SETD1B: variants seen among roughly 807,000 people sequenced by gnomAD.
The protein encoded by SETD1B is histone-lysine N-methyltransferase SETD1B.
In SETD1B, 7 loss-of-function variants were observed where a neutral mutation model predicts 148.0. The observed-to-expected ratio is 0.05, with a 90% CI of 0.03 to 0.09. The LOEUF is 0.09. Among genes scored for constraint, SETD1B ranks in the 10% least tolerant of loss-of-function variants. The probability of loss-of-function intolerance (pLI) is 1.00; values close to 1 mark genes in which losing one functional copy is unlikely to be tolerated. For missense variants in SETD1B, 2,155 were observed against 2,729.9 expected, an observed-to-expected ratio of 0.79 and a Z score of 4.69; for synonymous variants, 1,361 against 1,186.5, an observed-to-expected ratio of 1.15 and a Z score of -3.02.
Position 121,804,658 on chromosome 12 carries a change from G to C in SETD1B, c.-14-66G>C. 1 of 1,397,056 alleles carries C rather than the reference G, an allele frequency of 7.2e-7. No homozygotes were observed. The highest frequency in any genetic ancestry group is 9.7e-7 in the Non-Finnish European group (1 of 1,029,094). The allele number at this position is 1,397,056 out of a possible 1,614,324, so 86.5% of individuals were successfully genotyped here. A position where few individuals can be genotyped will look rare whatever the true frequency, so the allele number is the denominator to read the frequency against. On this transcript the variant is annotated intron_variant, in intron 1 of 16. Coordinates refer to ENST00000604567, the MANE Select transcript of SETD1B (RefSeq NM_001353345.2). The surrounding 1 kb of genome is among the most constrained non-coding windows in gnomAD (Gnocchi z 4.6). The stretch of plus-strand genomic sequence containing the variant: ...GGGGGCCTGCCGATTGGATTCTTTC[G>C]CGTGTGTGTAGAAGCGGCCGCCGCC...
Position 121,814,625 on chromosome 12 carries a change from G to T in SETD1B, c.2410G>T (p.Ala804Ser). The T allele has an allele frequency of 6.5e-7, 1 of 1,544,446 alleles. No homozygotes were observed. Among genetic ancestry groups the T allele is most frequent in the Non-Finnish European group, 8.7e-7 (1 of 1,143,274 alleles). Reference protein sequence around the residue: ...YPPFMAAAAAAASAGLQFVNL... With the variant: ...YPPFMAAAAASASAGLQFVNL... ...GCCCTTCATGGCCGCTGCGGCCGCC[G>T]CTGCCTCAGCTGGGCTCCAGTTTGT... The change falls in exon 7 of 17, where the codon GCT (alanine) becomes TCT (serine). Residue 804 changes from alanine (A) to serine (S), a missense_variant. Physicochemically the swap from Ala to Ser is moderately conservative, Grantham distance 99. Transcript: ENST00000604567.
chr12:121,793,158 T>C, the SETD1B span: 1 of 1,549,998 alleles, frequency 6.5e-7, no homozygotes, highest in Non-Finnish European at 8.7e-7. Flanking sequence ...TCACCGGCCG[T>C]GTCGTAGAGG....
At chr12:121,828,898 T>G (rs570091923) in intron 16 of SETD1B, among the ~76,000 whole-genome samples, 1 of 152,256 alleles carries the variant, frequency 6.6e-6, no homozygotes, top group Non-Finnish European at 1.5e-5. Flanking sequence ...CTGCTGGCTC[T>G]CTTCGTTGTG....
At chr12:121,793,596 G>C in the SETD1B span, 1 of 1,552,042 alleles carries the variant, frequency 6.4e-7, no homozygotes, top group South Asian at 1.2e-5. Flanking sequence ...GCCCGGACCG[G>C]GGGCGGCGGT....
At position 121,805,815 on chromosome 12, in the gene SETD1B, TC is replaced by T. The variant is rs768794870; in HGVS notation, c.274-15del. On this transcript the variant is annotated intron_variant, in intron 3 of 16. Coordinates refer to ENST00000604567, the MANE Select transcript of SETD1B (RefSeq NM_001353345.2). This position sits in a 1 kb window ranked among gnomAD's most constrained non-coding sequence, Gnocchi z 4.2. ...GGTTTAAACGTTCTTCAAACTCCCTTCCCCCTCGGCCCCTGCCAGATCGATG... is the reference window on the plus strand; with the variant it reads ...GGTTTAAACGTTCTTCAAACTCCCTTCCCCTCGGCCCCTGCCAGATCGATG... 2 of 1,547,096 alleles carry T rather than the reference TC, an allele frequency of 1.3e-6. No individual in the cohort carries two copies. Among genetic ancestry groups the T allele is most frequent in the East Asian group, 2.4e-5 (1 of 40,828 alleles).
Position 121,823,597 on chromosome 12 carries a change from C to T in SETD1B, c.5018C>T (p.Ser1673Leu), listed in dbSNP as rs991179896. The T allele has an allele frequency of 3.1e-5, 48 of 1,551,368 alleles. No individual in the cohort carries two copies. The highest frequency in any genetic ancestry group is 1.4e-4 in the Admixed American group (7 of 50,974). The change falls in exon 12 of 17, where the codon TCG becomes TTG. Residue 1673 changes from serine (S) to leucine (L), a missense_variant. Physicochemically the swap from Ser to Leu is moderately radical, Grantham distance 145. This residue lies in a region of SETD1B where 862 missense variants were observed against 873.8 expected (regional missense o/e 0.99). Transcript: ENST00000604567. ...SPPQPLFRPR[S>L]EFEEMTILYD... is the part of the protein sequence containing the mutation. ...CCCCAGCCCCTCTTCCGGCCCCGCT[C>T]GGAGTTTGAGGAGATGACCATCCTG...
chr12:121,812,200 G>A (rs145577225), intron 6 of SETD1B, among the ~76,000 whole-genome samples: 2,593 of 152,282 alleles, frequency 0.017, 51 homozygotes, highest in South Asian at 0.093. Context: ...CGCGCGCAGT[G>A]CGGGGAGCTG....
At chr12:121,797,554 A>G in the SETD1B span, 1 of 456,588 alleles carries the variant, frequency 2.2e-6, no homozygotes, top group Non-Finnish European at 4.4e-6. Context: ...CGTGCCGAGA[A>G]CCACATCCAG....
In SETD1B at chr12:121,830,022, C is replaced by T; in HGVS notation, c.5728-44C>T. On this transcript the variant is annotated intron_variant, in intron 16 of 16. Transcript: ENST00000604567. The surrounding 1 kb of genome is among the most constrained non-coding windows in gnomAD (Gnocchi z 5.7). ...TGGGGGGTCTGCAGTGGTGGGGGAC[C>T]CTGGGGGACCAGGGGCTCATTCTCC... 1 of 1,527,984 alleles carries T rather than the reference C, an allele frequency of 6.5e-7. No individual in the cohort carries two copies. Among genetic ancestry groups the T allele is most frequent in the Non-Finnish European group, 8.8e-7 (1 of 1,132,214 alleles). The allele number at this position is 1,527,984 out of a possible 1,614,324, so 94.7% of individuals were successfully genotyped here.
In SETD1B at chr12:121,805,813, C is replaced by T; in HGVS notation, c.274-22C>T. On this transcript the variant is annotated intron_variant, in intron 3 of 16. Coordinates refer to ENST00000604567, the MANE Select transcript of SETD1B (RefSeq NM_001353345.2). This position sits in a 1 kb window ranked among gnomAD's most constrained non-coding sequence, Gnocchi z 4.2. ...TAGGTTTAAACGTTCTTCAAACTCC[C>T]TTCCCCCTCGGCCCCTGCCAGATCG... is the stretch of plus-strand genomic sequence containing the variant. 1 of 1,546,766 alleles carries T rather than the reference C, an allele frequency of 6.5e-7. No individual in the cohort carries two copies. The highest frequency in any genetic ancestry group is 2.4e-5 in the East Asian group (1 of 40,838).
intron 13 of SETD1B, 110 bp downstream of exon 13, chr12:121,825,476 G>A: frequency 9.6e-7 from 1 of 1,037,722 alleles, no homozygotes; most frequent in South Asian, 1.6e-5. Flanking sequence ...GGCCAGAGGG[G>A]CTGGCACACA....
intron 10 of SETD1B, among the ~76,000 whole-genome samples, chr12:121,818,333 C>T (rs1409688782): frequency 3.9e-5 from 6 of 152,098 alleles, no homozygotes; most frequent in African/African-American, 9.7e-5. Context: ...GAGGCCTAGG[C>T]GAGTGGATCA....
the SETD1B span, chr12:121,797,173 C>T: frequency 9.3e-5 from 32 of 345,548 alleles, no homozygotes; most frequent in South Asian, 6.4e-4. Context: ...ACAGCCCAGG[C>T]AGAGGCTGTG....
upstream of SETD1B, chr12:121,799,726 G>C (rs1270794458): frequency 7.2e-5 from 9 of 124,688 alleles, no homozygotes; most frequent in Admixed American, 6.1e-4. Flanking sequence ...CTGGGGGGGG[G>C]GGGGTGGGGT....
chr12:121,790,908 C>G, the SETD1B span, among the ~76,000 whole-genome samples: 11 of 152,310 alleles, frequency 7.2e-5, no homozygotes, highest in African/African-American at 2.6e-4. Context: ...GGGTCTCGCT[C>G]TGTTGCCCAG....
Position 121,827,732 on chromosome 12 carries a change from C to T in SETD1B, c.5470-3C>T. ...TCACCTCTCCCCCTCTTCCCTCCCACAGTTCCGGAAGAAAAAGCTCAAGTT... is the reference window on the plus strand; with the variant it reads ...TCACCTCTCCCCCTCTTCCCTCCCATAGTTCCGGAAGAAAAAGCTCAAGTT... On this transcript the variant is annotated splice_polypyrimidine_tract_variant and splice_region_variant and intron_variant, in intron 14 of 16. Coordinates refer to ENST00000604567, the MANE Select transcript of SETD1B (RefSeq NM_001353345.2). 2 of 1,551,918 alleles carry T rather than the reference C, an allele frequency of 1.3e-6. No individual in the cohort carries two copies. Among genetic ancestry groups the T allele is most frequent in the Non-Finnish European group, 1.7e-6 (2 of 1,147,052 alleles).
chr12:121,793,339 C>T, the SETD1B span: 13 of 1,427,332 alleles, frequency 9.1e-6, no homozygotes, highest in Admixed American at 4.0e-5. Context: ...CCGGATCAGC[C>T]CCCCCTCACC....
chr12:121,823,337 T>TGCCCC lies in SETD1B; in HGVS notation c.4758_4759insGCCCC (p.Pro1587AlafsTer15). ...GGATCCCAGCCCCTCCACCACCCCT[T>TGCCCC]CCCCCCCAGCCACCCCCACCCCCAC... On this transcript the variant is annotated frameshift_variant, in exon 12 of 17. Transcript: ENST00000604567. LOFTEE classifies it high-confidence loss of function. 2.5e-6 allele frequency: 2 copies of TGCCCC among 809,480 alleles called. No individual in the cohort carries two copies. The highest frequency in any genetic ancestry group is 3.6e-6 in the Non-Finnish European group (2 of 560,556). 50.1% of individuals were successfully genotyped at this position (809,480 alleles called of 1,614,324 possible). A position where few individuals can be genotyped will look rare whatever the true frequency, so the allele number is the denominator to read the frequency against.
chr12:121,800,408 G>C (rs973003333), upstream of SETD1B: 3 of 152,150 alleles, frequency 2.0e-5, no homozygotes, highest in Non-Finnish European at 4.4e-5. Flanking sequence ...GCGACTGGGA[G>C]GTCGGACCTG....
Sources: gnomAD v4.1 joint callset for allele counts (sites outside exome capture counted in the v4.1 genomes callset) on GRCh38, gnomAD v4.1.1 for gene constraint, gnomAD v4.1.1 regional missense constraint, Gnocchi (gnomAD v3.1) non-coding constraint, MANE v1.5 for transcripts, NCBI Gene and HGNC (gene_info 2026-07-23, HGNC 2026-07-21) for gene names.